Variants in CRLF3 observed in about 807,000 individuals in gnomAD.
The protein encoded by CRLF3 is cytokine receptor-like factor 3.
In CRLF3, 33 loss-of-function variants were observed where a neutral mutation model predicts 55.0. That is an observed-to-expected ratio of 0.60 (90% CI 0.46 to 0.80). The LOEUF (loss-of-function observed/expected upper bound fraction) is 0.80, where lower values mean the gene tolerates loss of function less well. Among genes scored for constraint, CRLF3 ranks in the 30% least tolerant of loss-of-function variants. The pLI, the probability that CRLF3 is intolerant of heterozygous loss-of-function variation, is 0.00. For synonymous variants in CRLF3, 238 were observed against 196.8 expected (o/e 1.21, Z -1.75); for missense variants, 494 against 538.4 (o/e 0.92, Z 0.82).
chr17:30,791,348 G>T (rs575633775), intron 6 of CRLF3, among the ~76,000 whole-genome samples: 1 of 150,922 alleles, frequency 6.6e-6, no homozygotes, highest in South Asian at 2.1e-4. Context: ...TGGGATTACA[G>T]GCGGGAGCCA....
At position 30,803,951 on chromosome 17, in the gene CRLF3, T is replaced by C. The variant is rs769084122; in HGVS notation, c.287A>G (p.Gln96Arg). 2 of 1,612,422 alleles carry C rather than the reference T, an allele frequency of 1.2e-6. No individual in the cohort carries two copies. Among genetic ancestry groups the C allele is most frequent in the Non-Finnish European group, 1.7e-6 (2 of 1,180,020 alleles). ...QETIKPLDDC[Q>R]KLIEHGVNTA... ...GTTGACTCCGTGTTCTATGAGCTTC[T>C]GGCAGTCATCTAGTGGTTTAATGGT... The change falls in exon 2 of 8, where the codon CAG (glutamine) becomes CGG (arginine). Residue 96 changes from glutamine (Q) to arginine (R), a missense_variant. Gln to Arg is a conservative substitution (Grantham distance 43). Coordinates refer to ENST00000324238, the MANE Select transcript of CRLF3 (RefSeq NM_015986.4).
intron 1 of CRLF3, among the ~76,000 whole-genome samples, chr17:30,810,668 C>T (rs1277209997): frequency 6.6e-6 from 1 of 152,130 alleles, no homozygotes; most frequent in East Asian, 1.9e-4. Context: ...TGATTAAGAG[C>T]TCACAAAATG....
chr17:30,787,219 A>G (rs1453703475), intron 6 of CRLF3, among the ~76,000 whole-genome samples: 1 of 152,244 alleles, frequency 6.6e-6, no homozygotes, highest in East Asian at 1.9e-4. Flanking sequence ...AAGGTTTGTC[A>G]TAGTTGACAT....
At position 30,793,640 on chromosome 17, in the gene CRLF3, C is replaced by T. The variant is rs1175311636; in HGVS notation, c.636G>A (p.Arg212=). Residue 212 remains arginine (R), a synonymous_variant, in exon 5 of 8, where the codon AGG becomes AGA. Coordinates refer to ENST00000324238, the MANE Select transcript of CRLF3 (RefSeq NM_015986.4). ...TTGAAGTACATTTACGAAACTGGAG[C>T]CTGTAATCTTGGGCTGTAAAGTCAT... ...VDDDFTAQDY[R]LQFRKCTSNH... is the part of the protein sequence containing the mutation. 3.1e-6 allele frequency: 5 copies of T among 1,613,732 alleles called. No individual in the cohort carries two copies. The highest frequency in any genetic ancestry group is 4.2e-6 in the Non-Finnish European group (5 of 1,179,874).
intron 1 of CRLF3, among the ~76,000 whole-genome samples, chr17:30,807,039 C>G (rs1004871605): frequency 1.3e-5 from 2 of 152,130 alleles, no homozygotes; most frequent in African/African-American, 4.8e-5. Context: ...CCACTGCAAC[C>G]TGACCTGGGC....
chr17:30,783,030 A>G lies in CRLF3; in HGVS notation c.*1157T>C, dbSNP rs995729654. On this transcript the variant is annotated 3_prime_UTR_variant, in exon 8 of 8. Transcript: ENST00000324238. ...ACAAATTTAAGTAAGTTTTTAAAAA[A>G]AATAAGTATTTACGCTATATTTTTT... 1.3e-5 allele frequency: 2 copies of G among 152,230 alleles called. No homozygotes were observed. Among genetic ancestry groups the G allele is most frequent in the African/African-American group, 2.4e-5 (1 of 41,456 alleles). The allele number at this position is 152,230 out of a possible 1,614,324, so 9.4% of individuals were successfully genotyped here. A position where few individuals can be genotyped will look rare whatever the true frequency, so the allele number is the denominator to read the frequency against.
chr17:30,793,202 A>AC (rs1567661008), intron 5 of CRLF3, among the ~76,000 whole-genome samples: 16 of 152,168 alleles, frequency 1.1e-4, no homozygotes, highest in Admixed American at 8.5e-4. Context: ...AGTGCCCTAC[A>AC]TAATATTTTC....
rs1375971046 is a variant in CRLF3 at position 30,782,878 on chromosome 17, T to C, written c.*1309A>G. ...CTTACAAAAATATCATACTTGCTTT[T>C]CTACTTTTTTACTATACTGGTAAAA... On this transcript the variant is annotated 3_prime_UTR_variant, in exon 8 of 8. Coordinates refer to ENST00000324238, the MANE Select transcript of CRLF3 (RefSeq NM_015986.4). 8.0e-5 allele frequency: 12 copies of C among 149,366 alleles called. No homozygotes were observed. The highest frequency in any genetic ancestry group is 1.3e-4 in the Non-Finnish European group (9 of 67,306). 9.3% of individuals were successfully genotyped at this position (149,366 alleles called of 1,614,324 possible). A position where few individuals can be genotyped will look rare whatever the true frequency, so the allele number is the denominator to read the frequency against.
intron 2 of CRLF3, among the ~76,000 whole-genome samples, chr17:30,798,184 C>T (rs893417389): frequency 3.9e-5 from 6 of 151,988 alleles, no homozygotes; most frequent in African/African-American, 1.4e-4. Flanking sequence ...TCAAGACCAT[C>T]CTGGCCAACA....
intron 1 of CRLF3, among the ~76,000 whole-genome samples, chr17:30,817,257 G>A (rs1904835738): frequency 6.6e-6 from 1 of 152,200 alleles, no homozygotes; most frequent in East Asian, 1.9e-4. Context: ...GGGCAATATG[G>A]TGAAACCTCC....
intron 1 of CRLF3, among the ~76,000 whole-genome samples, chr17:30,805,663 G>C (rs1250165304): frequency 6.7e-6 from 1 of 149,170 alleles, no homozygotes; most frequent in Non-Finnish European, 1.5e-5. Flanking sequence ...CCAGTGAACT[G>C]AGATCGCGCC....
chr17:30,787,822 G>A (rs1168524096), intron 6 of CRLF3: 1 of 151,932 alleles, frequency 6.6e-6, no homozygotes, highest in African/African-American at 2.4e-5. Flanking sequence ...GCAACATGGT[G>A]AAACCCCGTA....
At chr17:30,787,891 T>C (rs1483267624) in intron 6 of CRLF3, among the ~76,000 whole-genome samples, 2 of 152,004 alleles carry the variant, frequency 1.3e-5, no homozygotes, top group Non-Finnish European at 2.9e-5. Context: ...TCCTAGCTAC[T>C]CAGGAGGCTG....
intron 6 of CRLF3, among the ~76,000 whole-genome samples, chr17:30,791,927 A>G (rs1000219823): frequency 2.4e-4 from 36 of 151,040 alleles, no homozygotes; most frequent in African/African-American, 8.5e-4. Context: ...GCTCACTGCA[A>G]CCTCTGCCTC....
intron 1 of CRLF3, among the ~76,000 whole-genome samples, chr17:30,822,843 T>C (rs1905036148): frequency 6.6e-6 from 1 of 152,338 alleles, no homozygotes; most frequent in South Asian, 2.1e-4. Flanking sequence ...TGTTAGATGG[T>C]ATTTTAATAT....
At chr17:30,799,119 A>C (rs1971965646) in intron 2 of CRLF3, among the ~76,000 whole-genome samples, 1 of 151,828 alleles carries the variant, frequency 6.6e-6, no homozygotes, top group African/African-American at 2.4e-5. Context: ...TAAAAATACA[A>C]AAAATTTGCT....
At chr17:30,815,649 T>G (rs1449338907) in intron 1 of CRLF3, among the ~76,000 whole-genome samples, 2 of 149,378 alleles carry the variant, frequency 1.3e-5, no homozygotes, top group African/African-American at 2.5e-5. Context: ...GTTCAAGTAA[T>G]TCTCTTGCCT....
At position 30,782,942 on chromosome 17, in the gene CRLF3, G is replaced by T. The variant is rs945256886; in HGVS notation, c.*1245C>A. The T allele has an allele frequency of 2.0e-5, 3 of 152,042 alleles. No homozygotes were observed. Among genetic ancestry groups the T allele is most frequent in the Admixed American group, 2.0e-4 (3 of 15,240 alleles). The allele number at this position is 152,042 out of a possible 1,614,324, so 9.4% of individuals were successfully genotyped here. A position where few individuals can be genotyped will look rare whatever the true frequency, so the allele number is the denominator to read the frequency against. ...AATAATTCACATTAAAATAAAATCT[G>T]TAGGGTGGCATAGAAGACAATTATT... On this transcript the variant is annotated 3_prime_UTR_variant, in exon 8 of 8. Coordinates refer to ENST00000324238, the MANE Select transcript of CRLF3 (RefSeq NM_015986.4).
intron 1 of CRLF3, among the ~76,000 whole-genome samples, chr17:30,815,543 T>C (rs75979485): frequency 0.011 from 668 of 60,788 alleles, 4 homozygotes; most frequent in African/African-American, 0.063. Context: ...AGTTTCTTCT[T>C]TTTTTTTTTT....
Sources: allele counts gnomAD v4.1 joint callset (sites outside exome capture counted in the v4.1 genomes callset), GRCh38; gene constraint gnomAD v4.1.1; transcripts MANE v1.5; gene names NCBI Gene and HGNC (gene_info 2026-07-23, HGNC 2026-07-21).